The following GRID2 variants were observed in gnomAD, a reference collection of about 807,000 sequenced individuals.
GRID2 encodes glutamate receptor ionotropic, delta-2.
Under a neutral mutation model 114.8 loss-of-function variants are expected in GRID2, and 33 were observed. The ratio of observed to expected loss-of-function variants is 0.29; its 90% CI spans 0.22 to 0.38. GRID2 has a LOEUF of 0.38. GRID2 is among the 10% of genes least tolerant of loss of function. GRID2 has a pLI of 1.00. For synonymous variants in GRID2, 505 were observed against 449.9 expected, an observed-to-expected ratio of 1.12 and a Z score of -1.55; for missense variants, 1,184 against 1,257.7, an observed-to-expected ratio of 0.94 and a Z score of 0.89.
chr4:93,400,794 A>G (rs1765807009), intron 9 of GRID2, among the ~76,000 whole-genome samples: 1 of 152,102 alleles, frequency 6.6e-6, no homozygotes, highest in Non-Finnish European at 1.5e-5. Flanking sequence ...TCACTCATGA[A>G]TTCACACAAA....
chr4:93,299,452 T>C (rs112394930), intron 8 of GRID2, among the ~76,000 whole-genome samples: 194 of 149,734 alleles, frequency 1.3e-3, no homozygotes, highest in Admixed American at 2.8e-3. Context: ...CTTAGTTGAG[T>C]GATCTCCGTT....
At chr4:92,531,057 G>T (rs1045775338) in intron 1 of GRID2, among the ~76,000 whole-genome samples, 2 of 152,038 alleles carry the variant, frequency 1.3e-5, no homozygotes, top group African/African-American at 4.8e-5. Flanking sequence ...GTATTTACAA[G>T]TGAAAAATCA....
chr4:93,255,333 A>G (rs1253966024), intron 8 of GRID2, among the ~76,000 whole-genome samples: 1 of 152,174 alleles, frequency 6.6e-6, no homozygotes, highest in African/African-American at 2.4e-5. Flanking sequence ...TAGTTTGTTA[A>G]AAGACTAGAC....
At chr4:92,770,062 C>T (rs748272491) in intron 2 of GRID2, among the ~76,000 whole-genome samples, 2 of 152,184 alleles carry the variant, frequency 1.3e-5, no homozygotes, top group African/African-American at 4.8e-5. Context: ...TCTTATAAAA[C>T]TGAATGCTTT....
At chr4:93,268,598 T>A (rs1253006383) in intron 8 of GRID2, among the ~76,000 whole-genome samples, 1 of 152,144 alleles carries the variant, frequency 6.6e-6, no homozygotes, top group East Asian at 1.9e-4. Flanking sequence ...AAAAACAGAT[T>A]TAAAGAAAAT....
intron 8 of GRID2, among the ~76,000 whole-genome samples, chr4:93,364,241 G>A (rs1762134168): frequency 6.6e-6 from 1 of 151,906 alleles, no homozygotes; most frequent in African/African-American, 2.4e-5. Context: ...ATCTGTTTTT[G>A]TGCTTAGACA....
chr4:92,373,428 G>A (rs2110222633), intron 1 of GRID2, among the ~76,000 whole-genome samples: 1 of 152,334 alleles, frequency 6.6e-6, no homozygotes, highest in East Asian at 1.9e-4. Context: ...GCCCAGCTGT[G>A]TCAGCCCAAC....
At chr4:93,274,191 G>A (rs1002604660) in intron 8 of GRID2, among the ~76,000 whole-genome samples, 10 of 151,924 alleles carry the variant, frequency 6.6e-5, no homozygotes, top group African/African-American at 1.9e-4. Flanking sequence ...ATCCTGCAGT[G>A]GCATTGATAG....
chr4:92,445,520 T>C (rs1255778157), intron 1 of GRID2, among the ~76,000 whole-genome samples: 1 of 152,208 alleles, frequency 6.6e-6, no homozygotes, highest in Non-Finnish European at 1.5e-5. Flanking sequence ...AAAAGTGATA[T>C]GTAAAATGAC....
At chr4:93,021,676 A>G (rs1560802668) in intron 2 of GRID2, among the ~76,000 whole-genome samples, 2 of 145,176 alleles carry the variant, frequency 1.4e-5, no homozygotes. Context: ...TACTATAAAT[A>G]TAATTATTTA....
chr4:93,700,422 A>G (rs1727411135), intron 14 of GRID2, among the ~76,000 whole-genome samples: 1 of 152,136 alleles, frequency 6.6e-6, no homozygotes, highest in African/African-American at 2.4e-5. Flanking sequence ...TTAATTGTCA[A>G]TCTTATTTAG....
At chr4:93,254,639 G>A (rs1020802090) in intron 8 of GRID2, among the ~76,000 whole-genome samples, 4 of 152,088 alleles carry the variant, frequency 2.6e-5, no homozygotes, top group African/African-American at 9.7e-5. Flanking sequence ...ATCTATCAGT[G>A]ACAGGCTTAT....
At chr4:92,910,506 G>A (rs1025171282) in intron 2 of GRID2, among the ~76,000 whole-genome samples, 3 of 152,158 alleles carry the variant, frequency 2.0e-5, no homozygotes, top group Non-Finnish European at 2.9e-5. Context: ...TGTAGAGACA[G>A]TAGGCCACTA....
intron 1 of GRID2, among the ~76,000 whole-genome samples, chr4:92,582,234 CTT>C (rs1156935911): frequency 1.3e-5 from 2 of 151,784 alleles, no homozygotes; most frequent in Non-Finnish European, 2.9e-5. Context: ...TTGTCACTCT[CTT>C]AGGATTATTC....
intron 1 of GRID2, among the ~76,000 whole-genome samples, chr4:92,389,081 G>A (rs1730122158): frequency 6.6e-6 from 1 of 152,000 alleles, no homozygotes; most frequent in Non-Finnish European, 1.5e-5. Context: ...TAGGACAGTA[G>A]TTAATAACAT....
At chr4:93,630,383 T>G (rs1743136903) in intron 14 of GRID2, among the ~76,000 whole-genome samples, 1 of 152,216 alleles carries the variant, frequency 6.6e-6, no homozygotes, top group Non-Finnish European at 1.5e-5. Flanking sequence ...TTTTTCGGGT[T>G]GACTTCATTG....
chr4:93,291,527 GAATT>G (rs150208105), intron 8 of GRID2, among the ~76,000 whole-genome samples: 7,592 of 152,134 alleles, frequency 0.05, 622 homozygotes, highest in African/African-American at 0.17. Flanking sequence ...TTCAAAAAGT[GAATT>G]AATTAAAAAA....
chr4:92,599,065 C>G (rs1488898207), intron 2 of GRID2, among the ~76,000 whole-genome samples: 2 of 132,214 alleles, frequency 1.5e-5, no homozygotes, highest in African/African-American at 2.9e-5. Context: ...CTCTCTCTCT[C>G]TCTCTTTCCT....
At chr4:93,456,186 G>T (rs1723172885) in intron 11 of GRID2, among the ~76,000 whole-genome samples, 1 of 152,088 alleles carries the variant, frequency 6.6e-6, no homozygotes, top group Non-Finnish European at 1.5e-5. Flanking sequence ...GTCTTTTGAT[G>T]TAAGTTTAAT....
Sources: gnomAD v4.1 joint callset for allele counts (sites outside exome capture counted in the v4.1 genomes callset) on GRCh38, gnomAD v4.1.1 for gene constraint, MANE v1.5 for transcripts, NCBI Gene and HGNC (gene_info 2026-07-23, HGNC 2026-07-21) for gene names.